MAPK10: variants seen among roughly 807,000 people sequenced by gnomAD.
MAPK10 encodes JNK3 alpha protein kinase.
Under a neutral mutation model 59.3 loss-of-function variants are expected in MAPK10, and 25 were observed. The ratio of observed to expected loss-of-function variants is 0.42; its 90% CI spans 0.31 to 0.59. The LOEUF (loss-of-function observed/expected upper bound fraction) is 0.59, where lower values mean the gene tolerates loss of function less well. Among genes scored for constraint, MAPK10 ranks in the 20% least tolerant of loss-of-function variants. The pLI, the probability that MAPK10 is intolerant of heterozygous loss-of-function variation, is 0.15. For synonymous variants in MAPK10, 190 were observed against 200.5 expected (o/e 0.95, Z 0.44); for missense variants, 351 against 568.9 (o/e 0.62, Z 3.90).
intron 1 of MAPK10, among the ~76,000 whole-genome samples, chr4:86,466,541 G>A (rs1331246690): frequency 6.6e-6 from 1 of 152,090 alleles, no homozygotes; most frequent in African/African-American, 2.4e-5. Context: ...CTCCACAACC[G>A]AGCTTGTCTT....
intron 11 of MAPK10, chr4:86,031,679 C>T (rs1190974362): frequency 4.8e-6 from 2 of 414,468 alleles, no homozygotes; most frequent in East Asian, 7.8e-5. Flanking sequence ...ATCCCGAGAG[C>T]TCACTTTCCG....
intron 1 of MAPK10, among the ~76,000 whole-genome samples, chr4:86,570,584 T>C (rs1184015758): frequency 6.6e-6 from 1 of 152,186 alleles, no homozygotes; most frequent in Non-Finnish European, 1.5e-5. Flanking sequence ...AATATTTACT[T>C]GCTGTAAACT....
intron 2 of MAPK10, among the ~76,000 whole-genome samples, chr4:86,260,141 G>A (rs1359368151): frequency 6.6e-6 from 1 of 151,954 alleles, no homozygotes; most frequent in African/African-American, 2.4e-5. Context: ...TCCAGATGAA[G>A]ACACTGAGTA....
chr4:86,387,618 C>T (rs1741656424), intron 1 of MAPK10, among the ~76,000 whole-genome samples: 1 of 152,132 alleles, frequency 6.6e-6, no homozygotes, highest in African/African-American at 2.4e-5. Context: ...AATGTCTGTA[C>T]ATTATTCAAA....
chr4:86,429,089 T>A (rs575381999), intron 1 of MAPK10, among the ~76,000 whole-genome samples: 14 of 152,324 alleles, frequency 9.2e-5, no homozygotes, highest in African/African-American at 3.4e-4. Context: ...ATTTTTGGTA[T>A]ATTATCAATA....
chr4:86,452,280 T>A (rs1750806537), intron 1 of MAPK10, among the ~76,000 whole-genome samples: 2 of 152,170 alleles, frequency 1.3e-5, no homozygotes, highest in Non-Finnish European at 2.9e-5. Flanking sequence ...ACGTGACCCT[T>A]GGTAGGAGAG....
chr4:86,194,404 A>G lies in MAPK10; in HGVS notation c.-3T>C. 4 of 1,572,322 alleles carry G rather than the reference A, an allele frequency of 2.5e-6. No homozygotes were observed. Among genetic ancestry groups the G allele is most frequent in the Non-Finnish European group, 3.5e-6 (4 of 1,142,350 alleles). On this transcript the variant is annotated 5_prime_UTR_variant, in exon 3 of 14. Transcript: ENST00000641462. ...TAGTATAAGAAATGGAGGCTCATAA[A>G]TACCTAGAGGAAAAAGAAATGGAGC...
At chr4:86,488,097 A>G (rs1029032068) in intron 1 of MAPK10, among the ~76,000 whole-genome samples, 1 of 152,136 alleles carries the variant, frequency 6.6e-6, no homozygotes, top group African/African-American at 2.4e-5. Flanking sequence ...TTGCCGTCTT[A>G]ATTCAATCCC....
intron 2 of MAPK10, among the ~76,000 whole-genome samples, chr4:86,336,784 CTTTTTTTTTTT>C (rs70948788): frequency 1.2e-5 from 1 of 83,066 alleles, no homozygotes; most frequent in African/African-American, 4.9e-5. Context: ...GGAATGACTC[CTTTTTTTTTTT>C]TTTTTTTTTT....
At chr4:86,120,951 CAG>C (rs1191034335) in intron 4 of MAPK10, among the ~76,000 whole-genome samples, 1 of 152,102 alleles carries the variant, frequency 6.6e-6, no homozygotes, top group East Asian at 1.9e-4. Flanking sequence ...ACCCTTCCGA[CAG>C]AAATAAATAA....
At chr4:86,367,634 T>C (rs899704595) in intron 1 of MAPK10, among the ~76,000 whole-genome samples, 3 of 152,140 alleles carry the variant, frequency 2.0e-5, no homozygotes, top group Non-Finnish European at 2.9e-5. Flanking sequence ...GAAAGTATTC[T>C]TATGTAGCAA....
At chr4:86,423,294 A>C (rs978208064) in intron 1 of MAPK10, among the ~76,000 whole-genome samples, 9 of 152,204 alleles carry the variant, frequency 5.9e-5, no homozygotes, top group African/African-American at 2.2e-4. Flanking sequence ...GCCAAATTCC[A>C]ATGGCCTTCC....
At chr4:86,092,043 G>T (rs2053325357) in intron 9 of MAPK10, among the ~76,000 whole-genome samples, 2 of 151,944 alleles carry the variant, frequency 1.3e-5, no homozygotes, top group African/African-American at 4.8e-5. Context: ...TGGGGGATCT[G>T]GGAGATACTC....
chr4:86,114,360 C>G (rs7696878), intron 4 of MAPK10, among the ~76,000 whole-genome samples: 7,508 of 152,174 alleles, frequency 0.049, 620 homozygotes, highest in African/African-American at 0.17. Context: ...GTTTTTCTAC[C>G]TTTGATCTTT....
intron 2 of MAPK10, among the ~76,000 whole-genome samples, chr4:86,314,023 AC>A (rs1386540934): frequency 2.1e-5 from 2 of 94,592 alleles, no homozygotes; most frequent in Non-Finnish European, 5.3e-5. Context: ...GACTACAGCC[AC>A]AAAAAAACAG....
At position 86,015,603 on chromosome 4, in the gene MAPK10, A is replaced by T. The variant is rs1396566598; in HGVS notation, c.*1625T>A. On this transcript the variant is annotated 3_prime_UTR_variant, in exon 14 of 14. Coordinates refer to ENST00000641462, the MANE Select transcript of MAPK10 (RefSeq NM_138982.4). ...CAAGATGTTTCACAGTGCCTCCTTA[A>T]GTGCTCAGGAAAGCACTTTCATTTA... 1 of 152,224 alleles carries T rather than the reference A, an allele frequency of 6.6e-6. No individual in the cohort carries two copies. Among genetic ancestry groups the T allele is most frequent in the Non-Finnish European group, 1.5e-5 (1 of 68,028 alleles). The allele number at this position is 152,224 out of a possible 1,614,324, so 9.4% of individuals were successfully genotyped here.
At chr4:86,234,567 T>A (rs971871647) in intron 2 of MAPK10, among the ~76,000 whole-genome samples, 5 of 152,088 alleles carry the variant, frequency 3.3e-5, no homozygotes, top group Non-Finnish European at 5.9e-5. Flanking sequence ...AAAATAAATG[T>A]CTTATCTTCT....
intron 1 of MAPK10, among the ~76,000 whole-genome samples, chr4:86,421,942 C>T (rs1232014710): frequency 6.6e-6 from 1 of 152,158 alleles, no homozygotes; most frequent in African/African-American, 2.4e-5. Context: ...ACCCCATGCT[C>T]ACTGTACTCC....
intron 1 of MAPK10, among the ~76,000 whole-genome samples, chr4:86,401,580 C>A (rs1210364492): frequency 2.6e-5 from 4 of 152,106 alleles, no homozygotes; most frequent in Non-Finnish European, 5.9e-5. Flanking sequence ...TCTTTCTAAT[C>A]ATGTTTCTCT....
Sources: gnomAD v4.1 joint callset for allele counts (sites outside exome capture counted in the v4.1 genomes callset) on GRCh38, gnomAD v4.1.1 for gene constraint, MANE v1.5 for transcripts, NCBI Gene and HGNC (gene_info 2026-07-23, HGNC 2026-07-21) for gene names.